The following FURIN variants were observed in gnomAD, a reference collection of about 807,000 sequenced individuals.
FURIN encodes furin, paired basic amino acid cleaving enzyme.
Under a neutral mutation model 89.2 loss-of-function variants are expected in FURIN, and 18 were observed. The ratio of observed to expected loss-of-function variants is 0.20; its 90% CI spans 0.14 to 0.30. FURIN has a LOEUF of 0.30. Among genes scored for constraint, FURIN ranks in the 10% least tolerant of loss-of-function variants. FURIN has a pLI of 1.00. For missense variants in FURIN, 879 were observed against 1,100.5 expected, an observed-to-expected ratio of 0.80 and a Z score of 2.85; for synonymous variants, 508 against 466.4, an observed-to-expected ratio of 1.09 and a Z score of -1.15.
chr15:90,877,165 C>G lies in FURIN; in HGVS notation c.532C>G (p.Gln178Glu), dbSNP rs1366530713. ...TGGGGCCAGTTTTGATGTCAATGAC[C>G]AGGACCCTGACCCCCAGCCTCGGTA... is the stretch of plus-strand genomic sequence containing the variant. ...DPGASFDVND[Q>E]DPDPQPRYTQ... Residue 178 changes from glutamine (Q) to glutamate (E), a missense_variant, in exon 6 of 16, where the codon CAG (glutamine) becomes GAG (glutamate). By Grantham distance (29) the Gln-to-Glu change is conservative (BLOSUM62 2). Transcript: ENST00000268171. The G allele has an allele frequency of 1.2e-6, 2 of 1,612,322 alleles. No homozygotes were observed. The highest frequency in any genetic ancestry group is 3.3e-5 in the Admixed American group (2 of 59,872).
At chr15:90,879,371 G>C (rs567187773) in intron 9 of FURIN, 73 bp from the exon 10 acceptor site, 6 of 1,094,396 alleles carry the variant, frequency 5.5e-6, no homozygotes, top group Non-Finnish European at 8.5e-6. Flanking sequence ...TGTATGCAGA[G>C]GGAGGGTAGG....
intron 1 of FURIN, chr15:90,871,641 A>C (rs1300073322): frequency 2.8e-5 from 1 of 36,150 alleles, no homozygotes; most frequent in Non-Finnish European, 6.2e-5. Flanking sequence ...GGGCCCGGGG[A>C]AGGCAAGCGC....
chr15:90,879,308 G>C (rs1247313853), intron 9 of FURIN, 136 bp from the exon 10 acceptor site: 2 of 687,770 alleles, frequency 2.9e-6, no homozygotes, highest in African/African-American at 3.6e-5. Context: ...GCAGCAGCTG[G>C]GACCTGGGGT....
chr15:90,879,032 C>G lies in FURIN; in HGVS notation c.1053+56C>G, dbSNP rs1336529201. 3.5e-6 allele frequency: 4 copies of G among 1,148,716 alleles called. No individual in the cohort carries two copies. In the East Asian group the frequency reaches 1.0e-4, roughly 30 times the overall value. 71.2% of individuals were successfully genotyped at this position (1,148,716 alleles called of 1,614,324 possible). A position where few individuals can be genotyped will look rare whatever the true frequency, so the allele number is the denominator to read the frequency against. ...AGATGGGGCTGCTGGCTGGCTCTGTCCAGCACCCTCTTTTGGAGGCTGTCT... is the reference window on the plus strand; with the variant it reads ...AGATGGGGCTGCTGGCTGGCTCTGTGCAGCACCCTCTTTTGGAGGCTGTCT... On this transcript the variant is annotated intron_variant, in intron 9 of 15. Coordinates refer to ENST00000268171, the MANE Select transcript of FURIN (RefSeq NM_002569.4).
At chr15:90,878,715 C>T (rs776009227) in intron 8 of FURIN, 49 bp from the exon 9 acceptor site, 1 of 1,137,438 alleles carries the variant, frequency 8.8e-7, no homozygotes. Context: ...TCCTGCCAGC[C>T]CTCCCTCAAG....
chr15:90,880,654 G>T (rs760415882), intron 13 of FURIN, 37 bp from the exon 14 acceptor site: 5 of 1,582,798 alleles, frequency 3.2e-6, no homozygotes, highest in Non-Finnish European at 4.3e-6. Context: ...TTGGGGTCCC[G>T]CAGAGGCCTC....
At chr15:90,871,595 G>C (rs1387724236) in intron 1 of FURIN, 1 of 148,786 alleles carries the variant, frequency 6.7e-6, no homozygotes, top group East Asian at 2.0e-4. Flanking sequence ...TCCCCGCCAG[G>C]GCTCCCCAGG....
chr15:90,877,834 C>T (rs967494279), intron 7 of FURIN, among the ~76,000 whole-genome samples: 2 of 152,220 alleles, frequency 1.3e-5, no homozygotes, highest in African/African-American at 4.8e-5. Context: ...CCTCACGACC[C>T]ACTGTGAGTC....
Position 90,877,038 on chromosome 15 carries a change from G to T in FURIN, c.501+14G>T. The stretch of plus-strand genomic sequence containing the variant: ...GCAGGCAATTATGTGAGGAAGTCGG[G>T]GAGGGAGGCCGTGATCCCTGCTGAG... On this transcript the variant is annotated intron_variant, in intron 5 of 15. Transcript: ENST00000268171. 6.2e-7 allele frequency: 1 copy of T among 1,614,086 alleles called. No individual in the cohort carries two copies. The highest frequency in any genetic ancestry group is 8.5e-7 in the Non-Finnish European group (1 of 1,180,000).
At chr15:90,871,782 G>A (rs1008729050) in intron 1 of FURIN, among the ~76,000 whole-genome samples, 1 of 149,316 alleles carries the variant, frequency 6.7e-6, no homozygotes, top group African/African-American at 2.5e-5. Context: ...CCCTGACCCG[G>A]GTCCCCCGGG....
At position 90,876,639 on chromosome 15, in the gene FURIN, T is replaced by A; in HGVS notation, c.372+82T>A. 1.0e-6 allele frequency: 1 copy of A among 954,462 alleles called. No individual in the cohort carries two copies. Among genetic ancestry groups the A allele is most frequent in the Non-Finnish European group, 1.7e-6 (1 of 593,802 alleles). The allele number at this position is 954,462 out of a possible 1,614,324, so 59.1% of individuals were successfully genotyped here. A position where few individuals can be genotyped will look rare whatever the true frequency, so the allele number is the denominator to read the frequency against. The stretch of plus-strand genomic sequence containing the variant: ...ATGAGCTCTTGGATGGAGGAGGCTG[T>A]CTTCGAGGCCTCCTCTGATTCGTTT... On this transcript the variant is annotated intron_variant, in intron 4 of 15. Transcript: ENST00000268171. The surrounding 1 kb of genome is among the most constrained non-coding windows in gnomAD (Gnocchi z 5.0).
Position 90,880,172 on chromosome 15 carries a change from G to A in FURIN, c.1455G>A (p.Glu485=), listed in dbSNP as rs779414642. The A allele has an allele frequency of 1.9e-6, 3 of 1,612,606 alleles. No homozygotes were observed. Among genetic ancestry groups the A allele is most frequent in the Non-Finnish European group, 2.5e-6 (3 of 1,179,624 alleles). ...LGEPNHITRL[E]HAQARLTLSY... ...AGCCCAACCACATCACTCGGCTGGA[G>A]CACGCTCAGGCGCGGCTCACCCTGT... Residue 485 remains glutamate, a synonymous_variant, in exon 13 of 16, where the codon GAG becomes GAA. Transcript: ENST00000268171.
At position 90,876,397 on chromosome 15, in the gene FURIN, C is replaced by A; in HGVS notation, c.276+44C>A. On this transcript the variant is annotated intron_variant, in intron 3 of 15. Transcript: ENST00000268171. This position sits in a 1 kb window ranked among gnomAD's most constrained non-coding sequence, Gnocchi z 5.0. ...CCCTCCTGCTGCCACCCTCCCCCTC[C>A]TGCTCTCAGGAGCCCCTCTCGCCTC... 2 of 1,521,562 alleles carry A rather than the reference C, an allele frequency of 1.3e-6. No individual in the cohort carries two copies. Among genetic ancestry groups the A allele is most frequent in the Non-Finnish European group, 1.8e-6 (2 of 1,095,824 alleles). The allele number at this position is 1,521,562 out of a possible 1,614,324, so 94.3% of individuals were successfully genotyped here. A position where few individuals can be genotyped will look rare whatever the true frequency, so the allele number is the denominator to read the frequency against.
chr15:90,879,002 T>C, intron 9 of FURIN, 26 bp downstream of exon 9: 1 of 1,018,214 alleles, frequency 9.8e-7, no homozygotes, highest in Non-Finnish European at 1.5e-6. Flanking sequence ...GGGTGGGGGC[T>C]GGGGAGATGG....
At position 90,881,436 on chromosome 15, in the gene FURIN, G is replaced by A; in HGVS notation, c.1943G>A (p.Cys648Tyr). ...GTCTGCGCCCCCTGCCACGCCTCAT[G>A]TGCCACATGCCAGGGGCCGGCCCTG... ...ASVCAPCHAS[C>Y]ATCQGPALTD... The change falls in exon 16 of 16, where the codon TGT becomes TAT. Residue 648 changes from cysteine (C) to tyrosine (Y), a missense_variant. Physicochemically the swap from Cys to Tyr is radical, Grantham distance 194. This residue lies in a region of FURIN where 457 missense variants were observed against 490.7 expected (regional missense o/e 0.93). Coordinates refer to ENST00000268171, the MANE Select transcript of FURIN (RefSeq NM_002569.4). The surrounding 1 kb of genome is among the most constrained non-coding windows in gnomAD (Gnocchi z 4.3). 6.2e-7 allele frequency: 1 copy of A among 1,612,582 alleles called. No individual in the cohort carries two copies. The highest frequency in any genetic ancestry group is 8.5e-7 in the Non-Finnish European group (1 of 1,179,926).
chr15:90,876,771 G>A lies in FURIN; in HGVS notation c.373-125G>A. On this transcript the variant is annotated intron_variant, in intron 4 of 15. Transcript: ENST00000268171. This position sits in a 1 kb window ranked among gnomAD's most constrained non-coding sequence, Gnocchi z 5.0. ...TCCCATGGAGTCCAGACAGCCAGTG[G>A]CGGCCTTTCAGGAGCAGGGATGGTA... 1 of 1,085,346 alleles carries A rather than the reference G, an allele frequency of 9.2e-7. No individual in the cohort carries two copies. The highest frequency in any genetic ancestry group is 1.4e-6 in the Non-Finnish European group (1 of 734,530). The allele number at this position is 1,085,346 out of a possible 1,614,324, so 67.2% of individuals were successfully genotyped here.
At position 90,881,324 on chromosome 15, in the gene FURIN, G is replaced by A. The variant is rs372609279; in HGVS notation, c.1831G>A (p.Val611Ile). 3 of 1,611,498 alleles carry A rather than the reference G, an allele frequency of 1.9e-6. No homozygotes were observed. Among genetic ancestry groups the A allele is most frequent in the African/African-American group, 2.7e-5 (2 of 74,892 alleles). The change falls in exon 16 of 16, where the codon GTC (valine) becomes ATC (isoleucine). Residue 611 changes from valine (V) to isoleucine (I), a missense_variant. Physicochemically the swap from Val to Ile is conservative, Grantham distance 29. Coordinates refer to ENST00000268171, the MANE Select transcript of FURIN (RefSeq NM_002569.4). The surrounding 1 kb of genome is among the most constrained non-coding windows in gnomAD (Gnocchi z 4.3). ...CTTCTCCCTGCACCAGAAGAGCTGT[G>A]TCCAGCACTGCCCTCCAGGGTTCGC... ...EGFSLHQKSC[V>I]QHCPPGFAPQ...
At chr15:90,879,066 C>A in intron 9 of FURIN, 90 bp downstream of exon 9, 1 of 806,858 alleles carries the variant, frequency 1.2e-6, no homozygotes, top group Non-Finnish European at 2.0e-6. Context: ...CTGCCTCCAC[C>A]CCCATGTGGC....
At position 90,879,387 on chromosome 15, in the gene FURIN, G is replaced by A. The variant is rs1261741860; in HGVS notation, c.1054-57G>A. 26 of 1,243,090 alleles carry A rather than the reference G, an allele frequency of 2.1e-5. No individual in the cohort carries two copies. The East Asian group carries it at 6.0e-4, about 29-fold the overall frequency. The allele number at this position is 1,243,090 out of a possible 1,614,324, so 77.0% of individuals were successfully genotyped here. On this transcript the variant is annotated intron_variant, in intron 9 of 15. Coordinates refer to ENST00000268171, the MANE Select transcript of FURIN (RefSeq NM_002569.4). ...GTATGCAGAGGGAGGGTAGGCAGGT[G>A]GCTCCTCTAGCCCCCTCCACCCATC...
Sources: allele counts gnomAD v4.1 joint callset (sites outside exome capture counted in the v4.1 genomes callset), GRCh38; gene constraint gnomAD v4.1.1; regional missense constraint gnomAD v4.1.1; non-coding constraint Gnocchi (gnomAD v3.1); transcripts MANE v1.5; gene names NCBI Gene and HGNC (gene_info 2026-07-23, HGNC 2026-07-21).